Variants in ASB8 observed in about 807,000 individuals in gnomAD.
ASB8 encodes ankyrin repeat and SOCS box protein 8.
A neutral mutation model predicts 22.9 loss-of-function variants in ASB8; 15 were observed. The ratio of observed to expected loss-of-function variants is 0.66; its 90% confidence interval spans 0.44 to 1.01. The LOEUF is 1.01. ASB8 is among the 50% of genes least tolerant of loss of function. ASB8 has a pLI of 0.00. For synonymous variants in ASB8, 124 were observed against 140.8 expected (o/e 0.88, Z 0.84); for missense variants, 294 against 356.9 (o/e 0.82, Z 1.42).
chr12:48,151,341 G>T, intron 2 of ASB8, 36 bp from the exon 3 acceptor site: 1 of 1,516,224 alleles, frequency 6.6e-7, no homozygotes, highest in South Asian at 1.1e-5. Flanking sequence ...AGTGTGTTCA[G>T]CTCTGGCTTG....
chr12:48,154,656 G>T (rs1951268535), intron 1 of ASB8, among the ~76,000 whole-genome samples: 1 of 152,030 alleles, frequency 6.6e-6, no homozygotes, highest in Non-Finnish European at 1.5e-5. Flanking sequence ...ATGAGTTAAA[G>T]GTGGGGCGTG....
intron 2 of ASB8, chr12:48,153,134 G>T: frequency 2.1e-6 from 1 of 474,854 alleles, no homozygotes; most frequent in Non-Finnish European, 3.8e-6. Context: ...CATGAGACTA[G>T]GGTTATTGAG....
intron 3 of ASB8, among the ~76,000 whole-genome samples, chr12:48,150,673 C>G (rs1217448492): frequency 6.6e-6 from 1 of 151,938 alleles, no homozygotes; most frequent in African/African-American, 2.4e-5. Flanking sequence ...TAGCATATAC[C>G]CTCATTAATG....
chr12:48,153,558 A>G lies in ASB8; in HGVS notation c.-33-29T>C, dbSNP rs139466759. On this transcript the variant is annotated intron_variant, in intron 1 of 3. Transcript: ENST00000317697. The stretch of plus-strand genomic sequence containing the variant: ...AAACAAAGAAGTTTTCGGCATATAC[A>G]ATATCACTGAGCACACCTGTCTTTA... 175 of 1,570,180 alleles carry G rather than the reference A, an allele frequency of 1.1e-4. No homozygotes were observed. In the African/African-American group the frequency reaches 1.9e-3, roughly 17 times the overall value.
intron 1 of ASB8, among the ~76,000 whole-genome samples, chr12:48,155,096 G>A (rs1214721433): frequency 6.6e-6 from 1 of 152,116 alleles, no homozygotes; most frequent in East Asian, 1.9e-4. Flanking sequence ...AACTTAAAAG[G>A]CTTGGCTGTA....
chr12:48,154,480 C>CAAA (rs11384481), intron 1 of ASB8, among the ~76,000 whole-genome samples: 851 of 73,548 alleles, frequency 0.012, 20 homozygotes, highest in African/African-American at 0.038. Context: ...GACTCTATCT[C>CAAA]AAAAAAAAAA....
rs1951152164 is a variant in ASB8 at position 48,149,129 on chromosome 12, T to C, written c.*237A>G. On this transcript the variant is annotated 3_prime_UTR_variant, in exon 4 of 4. Transcript: ENST00000317697. ...GAGGGAGACCTCTTCTTTTGCAAAA[T>C]GCAATATAAAAAGCCAGGTAAGCAA... 1.8e-6 allele frequency: 1 copy of C among 550,802 alleles called. No homozygotes were observed. Among genetic ancestry groups the C allele is most frequent in the South Asian group, 2.4e-5 (1 of 41,688 alleles). 34.1% of individuals were successfully genotyped at this position (550,802 alleles called of 1,614,324 possible). A position where few individuals can be genotyped will look rare whatever the true frequency, so the allele number is the denominator to read the frequency against.
At position 48,151,189 on chromosome 12, in the gene ASB8, TA is replaced by T. The variant is rs1565927436; in HGVS notation, c.234+11del. Reference sequence around the variant, plus strand: ...TAGTGAGTCATTAATGTGAATGTGTTAAAAACATTACCTCGGCTCCTTTTTC... The same window carrying T: ...TAGTGAGTCATTAATGTGAATGTGTTAAAACATTACCTCGGCTCCTTTTTC... On this transcript the variant is annotated intron_variant, in intron 3 of 3. Transcript: ENST00000317697. 6.3e-7 allele frequency: 1 copy of T among 1,592,646 alleles called. No homozygotes were observed. The highest frequency in any genetic ancestry group is 1.7e-5 in the Admixed American group (1 of 59,970).
chr12:48,149,294 C>T lies in ASB8; in HGVS notation c.*72G>A. ...ACAGGAACAACTGTTTTTCTGTTTTCTGTGACAAGGAGTACTGCAGGGACA... is the reference window on the plus strand; with the variant it reads ...ACAGGAACAACTGTTTTTCTGTTTTTTGTGACAAGGAGTACTGCAGGGACA... On this transcript the variant is annotated 3_prime_UTR_variant, in exon 4 of 4. Coordinates refer to ENST00000317697, the MANE Select transcript of ASB8 (RefSeq NM_024095.5). The T allele has an allele frequency of 6.9e-7, 1 of 1,448,124 alleles. No individual in the cohort carries two copies. Among genetic ancestry groups the T allele is most frequent in the African/African-American group, 1.4e-5 (1 of 70,230 alleles). 89.7% of individuals were successfully genotyped at this position (1,448,124 alleles called of 1,614,324 possible).
At chr12:48,151,561 T>C in intron 2 of ASB8, 1 of 1,474,402 alleles carries the variant, frequency 6.8e-7, no homozygotes, top group Non-Finnish European at 9.1e-7. Flanking sequence ...TGCCAGATGG[T>C]CACCTGGACA....
intron 2 of ASB8, 66 bp downstream of exon 2, chr12:48,153,302 G>C: frequency 6.4e-7 from 1 of 1,572,704 alleles, no homozygotes; most frequent in Non-Finnish European, 8.7e-7. Context: ...CTGCAAATCT[G>C]TGATCCATGA....
At chr12:48,153,065 TA>T in intron 2 of ASB8, 1 of 278,574 alleles carries the variant, frequency 3.6e-6, no homozygotes, top group South Asian at 4.2e-5. Flanking sequence ...AAAACATGTA[TA>T]GAAGACTTTG....
intron 3 of ASB8, chr12:48,150,299 A>G (rs1342399148): frequency 4.6e-6 from 3 of 657,976 alleles, no homozygotes; most frequent in African/African-American, 3.6e-5. Context: ...TCTCTACCAC[A>G]GAGTAAGGGG....
rs763931728 is a variant in ASB8, at chr12:48,149,434, G to A, written c.799C>T (p.Leu267Phe). The change falls in exon 4 of 4, where the codon CTC becomes TTC. Residue 267 changes from leucine to phenylalanine, a missense_variant. Physicochemically the swap from Leu to Phe is conservative, Grantham distance 22. Coordinates refer to ENST00000317697, the MANE Select transcript of ASB8 (RefSeq NM_024095.5). ...AVRRSLGLQY[L>F]PDAVKGLPLP... ...GGAAGGCCCTTCACTGCATCGGGGA[G>A]ATACTGGAGTCCCAGGCTACGGCGC... The A allele has an allele frequency of 9.9e-6, 16 of 1,613,992 alleles. No homozygotes were observed. The highest frequency in any genetic ancestry group is 1.4e-5 in the Non-Finnish European group (16 of 1,179,856).
In ASB8 at chr12:48,149,813, G is replaced by A. The variant is rs995700548; in HGVS notation, c.420C>T (p.Ser140=). Residue 140 remains serine (S), a synonymous_variant, in exon 4 of 4, where the codon AGC becomes AGT. Transcript: ENST00000317697. The part of the protein sequence containing the change: ...NAECVRALLE[S]GASVNALDYN... ...AATCCAGGGCATTGACAGAGGCCCC[G>A]CTCTCTAGGAGAGCCCGCACACACT... The A allele has an allele frequency of 6.8e-6, 11 of 1,614,072 alleles. No homozygotes were observed. Among genetic ancestry groups the A allele is most frequent in the Middle Eastern group, 3.3e-4 (2 of 6,062 alleles).
At position 48,149,542 on chromosome 12, in the gene ASB8, CCA is replaced by C; in HGVS notation, c.689_690del (p.Val230GlyfsTer8). On this transcript the variant is annotated frameshift_variant, in exon 4 of 4. Coordinates refer to ENST00000317697, the MANE Select transcript of ASB8 (RefSeq NM_024095.5). LOFTEE classifies it high-confidence loss of function. ...LRKNGTMPREVARDPQLCEKL... is the reference protein window; with the variant it reads ...LRKNGTMPREXARDPQLCEKL... ...TTTTCACATAGCTGCGGGTCTCTGG[CCA>C]CCTCTCGTGGCATGGTGCCATTTTT... 1 of 1,614,186 alleles carries C rather than the reference CCA, an allele frequency of 6.2e-7. No individual in the cohort carries two copies. Among genetic ancestry groups the C allele is most frequent in the Non-Finnish European group, 8.5e-7 (1 of 1,180,012 alleles).
intron 1 of ASB8, among the ~76,000 whole-genome samples, chr12:48,154,363 C>T (rs1951258143): frequency 6.6e-6 from 1 of 151,424 alleles, no homozygotes; most frequent in African/African-American, 2.4e-5. Flanking sequence ...CGCCTGTAGT[C>T]CCAACTACTT....
At chr12:48,150,129 TC>T in intron 3 of ASB8, 131 bp from the exon 4 acceptor site, 1 of 919,380 alleles carries the variant, frequency 1.1e-6, no homozygotes, top group Non-Finnish European at 1.8e-6. Flanking sequence ...AGCAAGCAAC[TC>T]CCAGGGAGTC....
At position 48,151,363 on chromosome 12, in the gene ASB8, A is replaced by G. The variant is rs948527407; in HGVS notation, c.130-58T>C. On this transcript the variant is annotated intron_variant, in intron 2 of 3. Transcript: ENST00000317697. ...TCAGCTCTGGCTTGCCCAGCAGGAC[A>G]GAATTCAGAACTGAGTCCAGGGGAC... The G allele has an allele frequency of 2.9e-6, 4 of 1,393,532 alleles. No individual in the cohort carries two copies. The African/African-American group carries it at 4.3e-5, about 15-fold the overall frequency. 86.3% of individuals were successfully genotyped at this position (1,393,532 alleles called of 1,614,324 possible). A position where few individuals can be genotyped will look rare whatever the true frequency, so the allele number is the denominator to read the frequency against.
Sources: allele counts gnomAD v4.1 joint callset (sites outside exome capture counted in the v4.1 genomes callset), GRCh38; gene constraint gnomAD v4.1.1; transcripts MANE v1.5; gene names NCBI Gene and HGNC (gene_info 2026-07-23, HGNC 2026-07-21).